Variants in WWP2 observed in about 807,000 individuals in gnomAD.
WWP2 encodes WW domain containing E3 ubiquitin protein ligase 2, also known as NEDD4-like E3 ubiquitin-protein ligase WWP2.
Under a neutral mutation model 121.0 loss-of-function variants are expected in WWP2, and 57 were observed. That is an observed-to-expected ratio of 0.47 (90% CI 0.38 to 0.59). The LOEUF is 0.59. Among genes scored for constraint, WWP2 ranks in the 20% least tolerant of loss-of-function variants. The pLI, the probability that WWP2 is intolerant of heterozygous loss-of-function variation, is 0.00. For missense variants in WWP2, 962 were observed against 1,158.9 expected (o/e 0.83, Z 2.47); for synonymous variants, 449 against 441.3 (o/e 1.02, Z -0.22).
At chr16:69,793,814 T>C (rs565011776) in intron 2 of WWP2, among the ~76,000 whole-genome samples, 74 of 152,010 alleles carry the variant, frequency 4.9e-4, no homozygotes, top group Non-Finnish European at 7.8e-4. Context: ...ACCTACCTCT[T>C]ATTAGAATTC....
chr16:69,795,985 T>C (rs1291468858), intron 2 of WWP2, among the ~76,000 whole-genome samples: 1 of 151,692 alleles, frequency 6.6e-6, no homozygotes, highest in Non-Finnish European at 1.5e-5. Flanking sequence ...TGATCCTAGA[T>C]TGGGGCCTGG....
At chr16:69,814,213 T>G (rs2056448165) in intron 4 of WWP2, among the ~76,000 whole-genome samples, 1 of 152,156 alleles carries the variant, frequency 6.6e-6, no homozygotes, top group Non-Finnish European at 1.5e-5. Context: ...TAGGCTGCAG[T>G]GCAGTGGTGT....
chr16:69,907,807 G>A (rs2058317004), intron 8 of WWP2, among the ~76,000 whole-genome samples: 1 of 152,188 alleles, frequency 6.6e-6, no homozygotes, highest in African/African-American at 2.4e-5. Flanking sequence ...CATAGGTAGA[G>A]CAGTATAAAA....
intron 1 of WWP2, among the ~76,000 whole-genome samples, chr16:69,770,246 C>A (rs1301902401): frequency 6.6e-6 from 1 of 152,150 alleles, no homozygotes; most frequent in Non-Finnish European, 1.5e-5. Flanking sequence ...GCCAGGGAAA[C>A]CAGCCTTGTA....
chr16:69,903,943 C>T (rs1384104713), intron 8 of WWP2, among the ~76,000 whole-genome samples: 1 of 152,090 alleles, frequency 6.6e-6, no homozygotes, highest in Non-Finnish European at 1.5e-5. Flanking sequence ...CACAAAACTA[C>T]CCAAAGAACT....
intron 11 of WWP2, among the ~76,000 whole-genome samples, chr16:69,926,703 G>C (rs1217136145): frequency 6.6e-6 from 1 of 152,142 alleles, no homozygotes; most frequent in Non-Finnish European, 1.5e-5. Context: ...TGTTCAGCTT[G>C]GGGATCCCTT....
At chr16:69,854,051 C>T (rs1335103387) in intron 6 of WWP2, among the ~76,000 whole-genome samples, 1 of 152,222 alleles carries the variant, frequency 6.6e-6, no homozygotes, top group Non-Finnish European at 1.5e-5. Context: ...TGACAGTGAA[C>T]CACAGGGCCA....
intron 7 of WWP2, among the ~76,000 whole-genome samples, chr16:69,886,292 G>T (rs1170353324): frequency 1.3e-5 from 2 of 152,176 alleles, no homozygotes; most frequent in African/African-American, 4.8e-5. Context: ...GGTTGCCCAG[G>T]TCTGGAATTC....
At chr16:69,813,510 G>C (rs1446605542) in intron 4 of WWP2, among the ~76,000 whole-genome samples, 1 of 151,788 alleles carries the variant, frequency 6.6e-6, no homozygotes, top group Non-Finnish European at 1.5e-5. Context: ...ATAGAGTCTT[G>C]CTCTGTCACC....
chr16:69,775,209 GA>G (rs1298200450), intron 1 of WWP2: 1 of 152,172 alleles, frequency 6.6e-6, no homozygotes, highest in African/African-American at 2.4e-5. Context: ...TTTGTTTTCA[GA>G]GAAGGATATT....
chr16:69,916,981 T>C (rs2058488151), intron 9 of WWP2, among the ~76,000 whole-genome samples: 1 of 152,152 alleles, frequency 6.6e-6, no homozygotes, highest in South Asian at 2.1e-4. Flanking sequence ...CTGGGCAACA[T>C]GGCGAAACTC....
At chr16:69,795,343 G>C (rs1039660370) in intron 2 of WWP2, among the ~76,000 whole-genome samples, 5 of 151,942 alleles carry the variant, frequency 3.3e-5, no homozygotes, top group African/African-American at 1.2e-4. Flanking sequence ...GTGTCCAATA[G>C]AATAGTCACT....
chr16:69,939,382 A>G lies in WWP2; in HGVS notation c.2482A>G (p.Lys828Glu). The change falls in exon 23 of 24, where the codon AAG becomes GAG. Residue 828 changes from lysine (K) to glutamate (E), a missense_variant. Transcript: ENST00000359154. ...GAAGTTTTGCATTGACAAAGTTGGC[A>G]AGGAAACCTGGCTGCCCAGAAGCCA... Reference protein sequence around the residue: ...PQKFCIDKVGKETWLPRSHTC... With the variant: ...PQKFCIDKVGEETWLPRSHTC... 6.2e-7 allele frequency: 1 copy of G among 1,614,162 alleles called. No individual in the cohort carries two copies. The highest frequency in any genetic ancestry group is 8.5e-7 in the Non-Finnish European group (1 of 1,180,020).
chr16:69,874,340 C>T (rs2057697687), intron 7 of WWP2, among the ~76,000 whole-genome samples: 1 of 152,144 alleles, frequency 6.6e-6, no homozygotes, highest in Admixed American at 6.6e-5. Context: ...ACATCTTCAT[C>T]CCTCGGGCTG....
chr16:69,811,549 A>G (rs2056392878), intron 4 of WWP2, among the ~76,000 whole-genome samples: 1 of 151,718 alleles, frequency 6.6e-6, no homozygotes, highest in Admixed American at 6.6e-5. Flanking sequence ...GGAGTTTGAG[A>G]CCAGACTCAG....
At chr16:69,778,455 TG>T (rs1401648897) in intron 1 of WWP2, among the ~76,000 whole-genome samples, 2 of 152,040 alleles carry the variant, frequency 1.3e-5, no homozygotes, top group Non-Finnish European at 2.9e-5. Context: ...CTTGAGTACG[TG>T]TACGGAGTCA....
At chr16:69,832,840 G>T (rs2056816706) in intron 4 of WWP2, among the ~76,000 whole-genome samples, 2 of 151,890 alleles carry the variant, frequency 1.3e-5, no homozygotes, top group East Asian at 3.9e-4. Flanking sequence ...ACTGTGCCTG[G>T]CCCAACCTTT....
At chr16:69,800,420 C>T (rs1210087883) in intron 4 of WWP2, among the ~76,000 whole-genome samples, 2 of 152,174 alleles carry the variant, frequency 1.3e-5, no homozygotes, top group East Asian at 1.9e-4. Context: ...ATGCAGCAAC[C>T]AGCATGAGGG....
chr16:69,771,255 A>G, intron 1 of WWP2, among the ~76,000 whole-genome samples: 1 of 151,868 alleles, frequency 6.6e-6, no homozygotes, highest in East Asian at 1.9e-4. Flanking sequence ...AATAATTATT[A>G]TTTTTCTTTT....
Sources: allele counts gnomAD v4.1 joint callset (sites outside exome capture counted in the v4.1 genomes callset), GRCh38; gene constraint gnomAD v4.1.1; transcripts MANE v1.5; gene names NCBI Gene and HGNC (gene_info 2026-07-23, HGNC 2026-07-21).